Variants in FHL5 observed in about 807,000 individuals in gnomAD.
FHL5 encodes four and a half LIM domains protein 5.
In FHL5, 33 loss-of-function variants were observed where a neutral mutation model predicts 32.0. The ratio of observed to expected loss-of-function variants is 1.03; its 90% confidence interval spans 0.78 to 1.38. The LOEUF (loss-of-function observed/expected upper bound fraction) is 1.38, where lower values mean the gene tolerates loss of function less well. FHL5 is among the 40% of genes most tolerant of loss of function. The pLI is 0.00. For missense variants in FHL5, 336 were observed against 343.9 expected (o/e 0.98, Z 0.18); for synonymous variants, 114 against 113.6 (o/e 1.00, Z -0.02).
rs1419916627 is a variant in FHL5, at chr6:96,617,617, T to C, written c.*1845T>C. Among the ~76,000 whole-genome samples, 2 of 152,180 alleles carry C rather than the reference T, an allele frequency of 1.3e-5. No individual in the cohort carries two copies. Among genetic ancestry groups the C allele is most frequent in the East Asian group, 3.8e-4 (2 of 5,204 alleles). On this transcript the variant is annotated 3_prime_UTR_variant, in exon 6 of 6. Transcript: ENST00000450218. Reference sequence around the variant, plus strand: ...CACAGGTAGAACTAAATCTATGATATAGAAAATAATAGCACATTACACATA... The same window carrying C: ...CACAGGTAGAACTAAATCTATGATACAGAAAATAATAGCACATTACACATA...
At chr6:96,596,028 A>T (rs2127969132) in intron 1 of FHL5, among the ~76,000 whole-genome samples, 1 of 151,964 alleles carries the variant, frequency 6.6e-6, no homozygotes, top group Middle Eastern at 3.4e-3. Context: ...GATTTTTTTT[A>T]GGCCTAGGAT....
chr6:96,603,822 G>T, intron 2 of FHL5, 50 bp downstream of exon 2: 2 of 1,406,970 alleles, frequency 1.4e-6, no homozygotes, highest in Non-Finnish European at 2.0e-6. Context: ...CAGCAAACAA[G>T]TGGGTTGGAG....
intron 1 of FHL5, among the ~76,000 whole-genome samples, chr6:96,592,277 T>C (rs1171628033): frequency 6.6e-6 from 1 of 152,176 alleles, no homozygotes; most frequent in Non-Finnish European, 1.5e-5. Context: ...CAGGGGCACA[T>C]TCTCTTTCTC....
In FHL5 at chr6:96,616,625, T is replaced by A. The variant is rs543896235; in HGVS notation, c.*853T>A. On this transcript the variant is annotated 3_prime_UTR_variant, in exon 6 of 6. Coordinates refer to ENST00000450218, the MANE Select transcript of FHL5 (RefSeq NM_001322466.2). ...AAGGCAAACCTTTAAAATAAATAGA[T>A]CATTAAATCTTCACTTGTGGAAATG... is the stretch of plus-strand genomic sequence containing the variant. 3.3e-5 allele frequency: 5 copies of A among 152,302 alleles called. No homozygotes were observed. The highest frequency in any genetic ancestry group is 2.1e-4 in the South Asian group (1 of 4,820). 9.4% of individuals were successfully genotyped at this position (152,302 alleles called of 1,614,324 possible).
chr6:96,597,866 T>C (rs1238438614), intron 1 of FHL5, among the ~76,000 whole-genome samples: 3 of 152,278 alleles, frequency 2.0e-5, no homozygotes, highest in Middle Eastern at 3.4e-3. Flanking sequence ...ACTTGCACAC[T>C]AGACCTAGCA....
chr6:96,574,087 T>A (rs980656953), intron 1 of FHL5, among the ~76,000 whole-genome samples: 1 of 152,142 alleles, frequency 6.6e-6, no homozygotes, highest in Non-Finnish European at 1.5e-5. Flanking sequence ...TTTCACACTT[T>A]TTTTCCCACT....
Position 96,618,194 on chromosome 6 carries a change from G to A in FHL5, c.*2422G>A, listed in dbSNP as rs1771560765. ...TATATAGTTGATTTATATGGTTTAT[G>A]TAACAAAGAGAAAAACTCCTTAATG... On this transcript the variant is annotated 3_prime_UTR_variant, in exon 6 of 6. Coordinates refer to ENST00000450218, the MANE Select transcript of FHL5 (RefSeq NM_001322466.2). Among the ~76,000 whole-genome samples the A allele has an allele frequency of 6.6e-6, 1 of 152,206 alleles. No individual in the cohort carries two copies. Among genetic ancestry groups the A allele is most frequent in the African/African-American group, 2.4e-5 (1 of 41,458 alleles).
chr6:96,585,421 G>C (rs191484166), intron 1 of FHL5, among the ~76,000 whole-genome samples: 2 of 152,202 alleles, frequency 1.3e-5, no homozygotes. Context: ...TGAATAACCA[G>C]ATGAAAATTA....
chr6:96,605,570 T>C (rs1771258702), intron 3 of FHL5, among the ~76,000 whole-genome samples: 1 of 152,206 alleles, frequency 6.6e-6, no homozygotes, highest in Admixed American at 6.5e-5. Flanking sequence ...ACCCTTGTAA[T>C]GATTATTATG....
chr6:96,589,578 G>C (rs940517092), intron 1 of FHL5, among the ~76,000 whole-genome samples: 2 of 151,666 alleles, frequency 1.3e-5, no homozygotes, highest in African/African-American at 4.8e-5. Context: ...CACATGTTTT[G>C]GATATGACTT....
rs967162222 is a variant in FHL5, at chr6:96,617,504, G to A, written c.*1732G>A. Among the ~76,000 whole-genome samples the A allele has an allele frequency of 1.3e-5, 2 of 152,098 alleles. No individual in the cohort carries two copies. Among genetic ancestry groups the A allele is most frequent in the African/African-American group, 4.8e-5 (2 of 41,414 alleles). ...ATTTGAAAACTATAAATGTATTTTT[G>A]GATTAACAATGCCAAGGTATTTTTT... On this transcript the variant is annotated 3_prime_UTR_variant, in exon 6 of 6. Transcript: ENST00000450218.
intron 1 of FHL5, among the ~76,000 whole-genome samples, chr6:96,575,910 T>G (rs1293371566): frequency 6.6e-6 from 1 of 152,210 alleles, no homozygotes; most frequent in Non-Finnish European, 1.5e-5. Flanking sequence ...CATAGCAATG[T>G]GTAGTTAAGT....
chr6:96,599,662 T>A (rs932463058), intron 1 of FHL5, among the ~76,000 whole-genome samples: 3 of 152,180 alleles, frequency 2.0e-5, no homozygotes, highest in Non-Finnish European at 2.9e-5. Context: ...CCTTCTAAAA[T>A]CCCAATATGC....
At chr6:96,566,547 T>C (rs548442575) in intron 1 of FHL5, among the ~76,000 whole-genome samples, 1 of 152,098 alleles carries the variant, frequency 6.6e-6, no homozygotes, top group African/African-American at 2.4e-5. Flanking sequence ...CATACGGTAG[T>C]TCTATTTTTA....
chr6:96,600,980 C>G (rs558756795), intron 1 of FHL5, among the ~76,000 whole-genome samples: 1 of 152,296 alleles, frequency 6.6e-6, no homozygotes, highest in South Asian at 2.1e-4. Context: ...TGATTCTGTT[C>G]TCACCCTACC....
chr6:96,605,042 T>C, intron 3 of FHL5, 118 bp downstream of exon 3: 1 of 607,764 alleles, frequency 1.6e-6, no homozygotes, highest in Non-Finnish European at 2.7e-6. Context: ...ATATCTTTCT[T>C]ACTCTCTCAA....
intron 1 of FHL5, among the ~76,000 whole-genome samples, chr6:96,565,678 T>A (rs930975844): frequency 6.6e-6 from 1 of 152,144 alleles, no homozygotes; most frequent in Non-Finnish European, 1.5e-5. Context: ...TCCAATATCA[T>A]TGCAATTATA....
At chr6:96,602,932 G>A (rs1243699067) in intron 1 of FHL5, among the ~76,000 whole-genome samples, 2 of 152,080 alleles carry the variant, frequency 1.3e-5, no homozygotes, top group African/African-American at 4.8e-5. Flanking sequence ...GTTTTATTTG[G>A]CCAGTTTGGT....
intron 1 of FHL5, among the ~76,000 whole-genome samples, chr6:96,564,803 C>G (rs1038270616): frequency 6.6e-6 from 1 of 152,096 alleles, no homozygotes; most frequent in African/African-American, 2.4e-5. Context: ...TTTCCTTGTT[C>G]TTGTAATTAT....
Sources: gnomAD v4.1 joint callset for allele counts (sites outside exome capture counted in the v4.1 genomes callset) on GRCh38, gnomAD v4.1.1 for gene constraint, MANE v1.5 for transcripts, NCBI Gene and HGNC (gene_info 2026-07-23, HGNC 2026-07-21) for gene names.